Variants in CSF2RA observed in about 807,000 individuals in gnomAD.
CSF2RA encodes colony stimulating factor 2 receptor subunit alpha.
A neutral mutation model predicts 51.6 loss-of-function variants in CSF2RA; 42 were observed. That is an observed-to-expected ratio of 0.81 (90% CI 0.64 to 1.05). The LOEUF (loss-of-function observed/expected upper bound fraction) is 1.05, where lower values mean the gene tolerates loss of function less well. Among genes scored for constraint, CSF2RA ranks in the 50% least tolerant of loss-of-function variants. The pLI is 0.00. For missense variants in CSF2RA, 530 were observed against 501.1 expected (o/e 1.06, Z -0.55); for synonymous variants, 222 against 193.0 (o/e 1.15, Z -1.24).
intron 2 of CSF2RA, among the ~76,000 whole-genome samples, chrX:1,281,514 TTCCTTCTCCTCCTCC>T (rs1214333747): frequency 3.3e-5 from 4 of 121,348 alleles, no homozygotes; most frequent in Admixed American, 8.1e-5. Flanking sequence ...CCTCCTTCTC[TTCCTTCTCCTCCTCC>T]TCCTTCTCCT....
chrX:1,309,570 T>C lies in CSF2RA; in HGVS notation c.*91T>C, dbSNP rs145804035. The C allele has an allele frequency of 2.7e-5, 44 of 1,613,818 alleles. No individual in the cohort carries two copies. The African/African-American group carries it at 5.5e-4, about 20-fold the overall frequency. On this transcript the variant is annotated 3_prime_UTR_variant, in exon 13 of 13. Coordinates refer to ENST00000381529, the MANE Select transcript of CSF2RA (RefSeq NM_172245.4). ...GATGATGCTGTGAACCTTTATATCA[T>C]TTTCTATGTTTTTATTTAAAAACAT...
At chrX:1,284,355 A>C in intron 3 of CSF2RA, among the ~76,000 whole-genome samples, 1 of 146,892 alleles carries the variant, frequency 6.8e-6, no homozygotes, top group African/African-American at 2.5e-5. Flanking sequence ...GAAATACACC[A>C]CCATGCCAAG....
downstream of CSF2RA, among the ~76,000 whole-genome samples, chrX:1,314,936 TTGCCCAACCCCTCTGTGCC>T (rs1338581826): frequency 1.4e-3 from 30 of 21,720 alleles, 4 homozygotes; most frequent in South Asian, 3.9e-3. Context: ...CGCACTGCAC[TTGCCCAACCCCTCTGTGCC>T]TGCCCAACCC....
In CSF2RA at chrX:1,290,193, G is replaced by T. The variant is rs73618035; in HGVS notation, c.474-144G>T. 72,177 of 600,972 alleles carry T rather than the reference G, an allele frequency of 0.12. 4,840 individuals are homozygous for T. Among genetic ancestry groups the T allele is most frequent in the South Asian group, 0.23 (10,947 of 47,452 alleles). 37.2% of individuals were successfully genotyped at this position (600,972 alleles called of 1,614,324 possible). ...TGTTTTGTGTTTTGTGTTTTTGTGG[G>T]TTTTTTTTGTTTTGTGTTTTTGTTT... is the stretch of plus-strand genomic sequence containing the variant. On this transcript the variant is annotated intron_variant, in intron 6 of 12. Transcript: ENST00000381529.
chrX:1,314,531 C>A (rs1463856804), downstream of CSF2RA, among the ~76,000 whole-genome samples: 15 of 123,982 alleles, frequency 1.2e-4, no homozygotes, highest in African/African-American at 4.7e-4. Flanking sequence ...CCCAATCCCA[C>A]TGCACCTGCC....
At chrX:1,273,776 T>G (rs1374256366) in intron 1 of CSF2RA, among the ~76,000 whole-genome samples, 29 of 151,022 alleles carry the variant, frequency 1.9e-4, no homozygotes, top group Admixed American at 6.0e-4. Flanking sequence ...TATTTTTTTT[T>G]TTTAGTAGAG....
At chrX:1,299,950 G>C (rs1348753414) in intron 9 of CSF2RA, among the ~76,000 whole-genome samples, 2 of 151,898 alleles carry the variant, frequency 1.3e-5, no homozygotes, top group Non-Finnish European at 2.9e-5. Context: ...GGGCGTGGTG[G>C]CTCATGCCTG....
chrX:1,315,905 A>T, the CSF2RA span, among the ~76,000 whole-genome samples: 3 of 151,912 alleles, frequency 2.0e-5, no homozygotes, highest in African/African-American at 7.3e-5. Context: ...TGGATAATAG[A>T]TGATGGATAG....
chrX:1,269,825 G>A (rs766059836), intron 1 of CSF2RA, among the ~76,000 whole-genome samples: 21 of 150,716 alleles, frequency 1.4e-4, no homozygotes, highest in African/African-American at 4.9e-4. Flanking sequence ...TAGTAAAGGG[G>A]GGCCGGGCAC....
chrX:1,280,526 T>TAA (rs1490674933), intron 2 of CSF2RA, among the ~76,000 whole-genome samples: 9 of 150,362 alleles, frequency 6.0e-5, no homozygotes, highest in Non-Finnish European at 8.9e-5. Context: ...GTTTGGTCCA[T>TAA]AAAGGCGGGA....
rs754889776 is a variant in CSF2RA at position 1,294,384 on chromosome X, G to T, written c.703G>T (p.Val235Leu). The T allele has an allele frequency of 6.2e-7, 1 of 1,613,900 alleles. No individual in the cohort carries two copies. The change falls in exon 8 of 13, where the codon GTA (valine) becomes TTA (leucine). Residue 235 changes from valine to leucine, a missense_variant. Transcript: ENST00000381529. ...TVRCNTTHCL[V>L]RWKQPRTYQK... The stretch of plus-strand genomic sequence containing the variant: ...ACGTTGCAACACGACGCACTGCCTC[G>T]TACGGTGGAAACAGCCCAGGACCTA...
chrX:1,302,314 G>C (rs28520892), intron 10 of CSF2RA, among the ~76,000 whole-genome samples: 106,875 of 151,736 alleles, frequency 0.7, 37,844 homozygotes, highest in Non-Finnish European at 0.73. Flanking sequence ...AAAAGGGGAA[G>C]GGGCAGGATA....
chrX:1,269,629 AAGAAAAAG>A (rs2088087643), intron 1 of CSF2RA, among the ~76,000 whole-genome samples: 3 of 48,950 alleles, frequency 6.1e-5, no homozygotes, highest in Non-Finnish European at 1.1e-4. Context: ...TCTCAAAAAA[AAGAAAAAG>A]AAAAAAAAAG....
chrX:1,280,946 G>GCTC (rs2089893837), intron 2 of CSF2RA, among the ~76,000 whole-genome samples: 2 of 10,936 alleles, frequency 1.8e-4, no homozygotes, highest in African/African-American at 3.7e-4. Flanking sequence ...TCCTCCTCCT[G>GCTC]CTTCTCCTCC....
rs1318592953 is a variant in CSF2RA at position 1,277,779 on chromosome X, C to A, written c.-27+2961C>A. Among the ~76,000 whole-genome samples the A allele has an allele frequency of 3.4e-5, 5 of 146,922 alleles. No homozygotes were observed. The South Asian group carries it at 6.5e-4, about 19-fold the overall frequency. ...ATCACCTGAGGTCAGGAGTTCGAGA[C>A]CAGCCTGACCAACATGGTGAAACCC... On this transcript the variant is annotated intron_variant, in intron 2 of 12. Transcript: ENST00000381529.
chrX:1,307,439 C>T (rs1431077241), intron 12 of CSF2RA, among the ~76,000 whole-genome samples: 2 of 149,392 alleles, frequency 1.3e-5, no homozygotes, highest in African/African-American at 5.0e-5. Flanking sequence ...CCCCTTTAGA[C>T]CTTCAGCTTA....
intron 12 of CSF2RA, chrX:1,305,798 G>C: frequency 6.5e-7 from 1 of 1,550,100 alleles, no homozygotes; most frequent in African/African-American, 1.4e-5. Context: ...ACGGTAGAGA[G>C]GGCCAGGCAC....
rs546463542 is a variant in CSF2RA at position 1,272,527 on chromosome X, G to A, written c.-90-2228G>A. Among the ~76,000 whole-genome samples, 31 of 151,230 alleles carry A rather than the reference G, an allele frequency of 2.0e-4. No homozygotes were observed. In the South Asian group the frequency reaches 2.9e-3, roughly 14 times the overall value. ...TTTTGAGACAGCATCTCACTCTGCCGCCCAGGCTGGAGTGCAGTGGTGCGA... is the reference window on the plus strand; with the variant it reads ...TTTTGAGACAGCATCTCACTCTGCCACCCAGGCTGGAGTGCAGTGGTGCGA... On this transcript the variant is annotated intron_variant, in intron 1 of 12. Transcript: ENST00000381529.
Position 1,287,984 on chromosome X carries a change from G to A in CSF2RA, c.220-535G>A, listed in dbSNP as rs1447051543. ...ACTCCTGACCTCAAGTGATCCACCC[G>A]CCTTGGCCTCCCAGAGTGCTGGGAT... is the stretch of plus-strand genomic sequence containing the variant. On this transcript the variant is annotated intron_variant, in intron 4 of 12. Coordinates refer to ENST00000381529, the MANE Select transcript of CSF2RA (RefSeq NM_172245.4). Among the ~76,000 whole-genome samples the A allele has an allele frequency of 4.2e-4, 63 of 148,878 alleles. No individual in the cohort carries two copies. In the East Asian group the frequency reaches 9.0e-3, roughly 21 times the overall value.
Sources: allele counts gnomAD v4.1 joint callset (sites outside exome capture counted in the v4.1 genomes callset), GRCh38; gene constraint gnomAD v4.1.1; transcripts MANE v1.5; gene names NCBI Gene and HGNC (gene_info 2026-07-23, HGNC 2026-07-21).